Variants in WFDC1 observed in about 807,000 individuals in gnomAD.
WFDC1 encodes WAP four-disulfide core domain protein 1.
Under a neutral mutation model 32.9 loss-of-function variants are expected in WFDC1, and 39 were observed. That is an observed-to-expected ratio of 1.19 (90% CI 0.92 to 1.55). WFDC1 has a LOEUF of 1.55. WFDC1 is among the 40% of genes most tolerant of loss of function. The pLI is 0.00. For synonymous variants in WFDC1, 184 were observed against 137.4 expected (o/e 1.34, Z -2.37); for missense variants, 386 against 309.5 (o/e 1.25, Z -1.85).
At chr16:84,319,612 A>C in intron 4 of WFDC1, 41 bp downstream of exon 4, 1 of 1,602,094 alleles carries the variant, frequency 6.2e-7, no homozygotes, top group Non-Finnish European at 8.5e-7. Context: ...CTCCTGCCCC[A>C]GTCCCCTTCT....
chr16:84,319,511 G>A lies in WFDC1; in HGVS notation c.502G>A (p.Gly168Ser). The A allele has an allele frequency of 1.2e-6, 2 of 1,613,016 alleles. No individual in the cohort carries two copies. Among genetic ancestry groups the A allele is most frequent in the Non-Finnish European group, 1.7e-6 (2 of 1,179,962 alleles). The change falls in exon 4 of 7, where the codon GGT becomes AGT. Residue 168 changes from glycine (G) to serine (S), a missense_variant. By Grantham distance (56) the Gly-to-Ser change is moderately conservative (BLOSUM62 0). Coordinates refer to ENST00000219454, the MANE Select transcript of WFDC1 (RefSeq NM_021197.4). Reference sequence around the variant, plus strand: ...CTATGAGTGCCACATCCTGAGCCCAGGTGACGTGGCCGAAGGTATCCCCAA... The same window carrying A: ...CTATGAGTGCCACATCCTGAGCCCAAGTGACGTGGCCGAAGGTATCCCCAA... ...SGYECHILSP[G>S]DVAEGIPNRG... is the part of the protein sequence containing the mutation.
chr16:84,299,282 T>C (rs542678431), intron 1 of WFDC1, among the ~76,000 whole-genome samples: 21 of 152,028 alleles, frequency 1.4e-4, no homozygotes, highest in African/African-American at 4.8e-4. Context: ...GAGAATTGCT[T>C]GAACCCTGGG....
Position 84,313,119 on chromosome 16 carries a change from C to G in WFDC1, c.303C>G (p.Ala101=). 6.9e-7 allele frequency: 1 copy of G among 1,445,124 alleles called. No homozygotes were observed. Among genetic ancestry groups the G allele is most frequent in the South Asian group, 1.4e-5 (1 of 70,902 alleles). The allele number at this position is 1,445,124 out of a possible 1,614,324, so 89.5% of individuals were successfully genotyped here. ...GGCGCTGCTGCTACAACGGATGCGC[C>G]TACGCCTGCCTAGAAGCTGTGCCGC... ...RHRRCCYNGC[A]YACLEAVPPP... The change falls in exon 2 of 7, where the codon GCC becomes GCG. Residue 101 remains alanine (A), a synonymous_variant. Coordinates refer to ENST00000219454, the MANE Select transcript of WFDC1 (RefSeq NM_021197.4).
Position 84,319,690 on chromosome 16 carries a change from C to A in WFDC1, c.562+119C>A, listed in dbSNP as rs996622040. ...AAGCAGCCCCAGCACCTGGGCCTGA[C>A]TGAGAGCTCCTCACATCTTCCCCCT... On this transcript the variant is annotated intron_variant, in intron 4 of 6. Coordinates refer to ENST00000219454, the MANE Select transcript of WFDC1 (RefSeq NM_021197.4). 2.8e-5 allele frequency: 36 copies of A among 1,297,102 alleles called. No individual in the cohort carries two copies. In the East Asian group the frequency reaches 3.3e-4, roughly 12 times the overall value. The allele number at this position is 1,297,102 out of a possible 1,614,324, so 80.3% of individuals were successfully genotyped here. A position where few individuals can be genotyped will look rare whatever the true frequency, so the allele number is the denominator to read the frequency against.
At chr16:84,307,718 G>A (rs967973863) in intron 1 of WFDC1, among the ~76,000 whole-genome samples, 4 of 152,124 alleles carry the variant, frequency 2.6e-5, no homozygotes, top group Non-Finnish European at 4.4e-5. Flanking sequence ...TCCCGACGAC[G>A]TACGGTGTAT....
chr16:84,319,019 G>C (rs2151378210), intron 3 of WFDC1: 2 of 230,994 alleles, frequency 8.7e-6, no homozygotes, highest in Middle Eastern at 3.2e-3. Flanking sequence ...GGATATGTGT[G>C]TGCAGGATTT....
chr16:84,315,973 G>A (rs567012286), intron 2 of WFDC1: 1 of 152,356 alleles, frequency 6.6e-6, no homozygotes, highest in Non-Finnish European at 1.5e-5. Flanking sequence ...TTCAACTAGA[G>A]TAATGGGGAG....
intron 4 of WFDC1, among the ~76,000 whole-genome samples, chr16:84,323,678 A>G (rs181152408): frequency 6.6e-6 from 1 of 152,358 alleles, no homozygotes; most frequent in East Asian, 1.9e-4. Context: ...GAGGATTCAT[A>G]CTCAAGTTAC....
intron 1 of WFDC1, among the ~76,000 whole-genome samples, chr16:84,298,441 T>C (rs1016806456): frequency 6.6e-6 from 1 of 152,204 alleles, no homozygotes; most frequent in Non-Finnish European, 1.5e-5. Flanking sequence ...ATTGTATTGC[T>C]CCGTTTTGCT....
At chr16:84,297,617 C>CAAAAAAAAAAAAAA (rs150683526) in intron 1 of WFDC1, among the ~76,000 whole-genome samples, 1 of 69,464 alleles carries the variant, frequency 1.4e-5, no homozygotes, top group Non-Finnish European at 2.6e-5. Context: ...AACTCTGTCT[C>CAAAAAAAAAAAAAA]AAAAAAAAAA....
chr16:84,304,183 C>T (rs760118526), intron 1 of WFDC1, among the ~76,000 whole-genome samples: 4 of 152,272 alleles, frequency 2.6e-5, no homozygotes, highest in Non-Finnish European at 5.9e-5. Context: ...CCACCTGCTT[C>T]CTAGGGATAT....
At chr16:84,312,272 C>G (rs1907679063) in intron 1 of WFDC1, among the ~76,000 whole-genome samples, 1 of 152,192 alleles carries the variant, frequency 6.6e-6, no homozygotes, top group South Asian at 2.1e-4. Flanking sequence ...AACCAGCCCC[C>G]AGACCAAGAA....
intron 4 of WFDC1, among the ~76,000 whole-genome samples, chr16:84,321,095 G>A (rs912819837): frequency 2.6e-5 from 4 of 152,146 alleles, no homozygotes; most frequent in African/African-American, 7.2e-5. Flanking sequence ...TGGGGTTATA[G>A]GGTGGCTTCT....
intron 1 of WFDC1, among the ~76,000 whole-genome samples, chr16:84,312,717 G>C (rs1203407075): frequency 1.3e-5 from 2 of 152,140 alleles, no homozygotes; most frequent in African/African-American, 2.4e-5. Flanking sequence ...AACACACCAA[G>C]ATTTGCTTAT....
intron 1 of WFDC1, among the ~76,000 whole-genome samples, chr16:84,308,687 A>G (rs1907419518): frequency 6.6e-6 from 1 of 152,094 alleles, no homozygotes; most frequent in Admixed American, 6.5e-5. Flanking sequence ...CTGGGTGTAG[A>G]CGCCATCCTT....
intron 1 of WFDC1, among the ~76,000 whole-genome samples, chr16:84,298,365 G>A (rs1220397127): frequency 6.6e-6 from 1 of 152,150 alleles, no homozygotes; most frequent in Non-Finnish European, 1.5e-5. Context: ...AAAGTGCTGG[G>A]ATTATAGGTG....
chr16:84,320,346 G>T (rs975242212), intron 4 of WFDC1, among the ~76,000 whole-genome samples: 1 of 152,164 alleles, frequency 6.6e-6, no homozygotes, highest in Non-Finnish European at 1.5e-5. Flanking sequence ...TAACTCCATT[G>T]TAAGTCAAGA....
intron 1 of WFDC1, among the ~76,000 whole-genome samples, chr16:84,299,131 C>A (rs996308297): frequency 6.6e-6 from 1 of 152,040 alleles, no homozygotes; most frequent in Non-Finnish European, 1.5e-5. Context: ...GAGGCCAAGG[C>A]AGGCAGATCT....
chr16:84,299,274 G>T (rs1463519152), intron 1 of WFDC1, among the ~76,000 whole-genome samples: 1 of 152,194 alleles, frequency 6.6e-6, no homozygotes, highest in South Asian at 2.1e-4. Context: ...TGAGGTAGGA[G>T]AATTGCTTGA....
Sources: gnomAD v4.1 joint callset for allele counts (sites outside exome capture counted in the v4.1 genomes callset) on GRCh38, gnomAD v4.1.1 for gene constraint, MANE v1.5 for transcripts, NCBI Gene and HGNC (gene_info 2026-07-23, HGNC 2026-07-21) for gene names.